The following WASL variants were observed in gnomAD, a reference collection of about 807,000 sequenced individuals.
WASL encodes the protein actin nucleation-promoting factor WASL.
In WASL, 20 loss-of-function variants were observed where a neutral mutation model predicts 55.5. That is an observed-to-expected ratio of 0.36 (90% confidence interval 0.25 to 0.52). The LOEUF is 0.52. Among genes scored for constraint, WASL ranks in the 20% least tolerant of loss-of-function variants. The pLI is 0.92. For synonymous variants in WASL, 249 were observed against 217.6 expected (o/e 1.14, Z -1.27); for missense variants, 504 against 622.5 (o/e 0.81, Z 2.03).
chr7:123,740,453 A>C (rs530142033), intron 1 of WASL, among the ~76,000 whole-genome samples: 50 of 148,418 alleles, frequency 3.4e-4, no homozygotes, highest in African/African-American at 1.0e-3. Context: ...GCAATAAATA[A>C]GATTTATTTT....
chr7:123,688,962 C>T (rs1803346391), intron 10 of WASL, 80 bp downstream of exon 10: 14 of 1,206,316 alleles, frequency 1.2e-5, no homozygotes, highest in South Asian at 1.2e-4. Context: ...AATAACAGAA[C>T]GTCAAACATT....
chr7:123,699,978 C>T (rs1207138769), intron 5 of WASL, among the ~76,000 whole-genome samples: 3 of 151,692 alleles, frequency 2.0e-5, no homozygotes, highest in Admixed American at 1.3e-4. Context: ...AGGTCGAGAC[C>T]ATCCTGGCTA....
chr7:123,681,976 CATG>C lies in WASL; in HGVS notation c.*2540_*2542del, dbSNP rs1187273969. 1 of 152,002 alleles carries C rather than the reference CATG, an allele frequency of 6.6e-6. No homozygotes were observed. The highest frequency in any genetic ancestry group is 1.5e-5 in the Non-Finnish European group (1 of 67,980). 9.4% of individuals were successfully genotyped at this position (152,002 alleles called of 1,614,324 possible). ...GGGTCAAATTAATTTTATTATGCTC[CATG>C]ATGAATTGCCACCAGTGCAACATCC... On this transcript the variant is annotated 3_prime_UTR_variant, in exon 11 of 11. Transcript: ENST00000223023.
intron 1 of WASL, among the ~76,000 whole-genome samples, chr7:123,727,352 G>GACACACACACACAC (rs1554406235): frequency 2.5e-4 from 14 of 55,482 alleles, no homozygotes; most frequent in African/African-American, 1.0e-3. Context: ...AAAAATATGT[G>GACACACACACACAC]TCACACACAC....
intron 1 of WASL, among the ~76,000 whole-genome samples, chr7:123,733,425 AT>A (rs373013598): frequency 1.1e-4 from 16 of 152,298 alleles, no homozygotes; most frequent in South Asian, 4.1e-4. Flanking sequence ...ACCAAAAAAA[AT>A]CTCTGTATAA....
chr7:123,716,288 T>C (rs185203163), intron 1 of WASL, among the ~76,000 whole-genome samples: 156 of 152,260 alleles, frequency 1.0e-3, no homozygotes, highest in African/African-American at 3.5e-3. Flanking sequence ...CGATCTTGGC[T>C]AACTGTAACC....
chr7:123,708,302 G>T (rs3779259), intron 2 of WASL, among the ~76,000 whole-genome samples: 15,317 of 152,106 alleles, frequency 0.1, 948 homozygotes, highest in Admixed American at 0.18. Context: ...TACAAATAAA[G>T]CTGAGACCAG....
At position 123,728,015 on chromosome 7, in the gene WASL, A is replaced by G. The variant is rs73224187; in HGVS notation, c.118-18792T>C. On this transcript the variant is annotated intron_variant, in intron 1 of 10. Transcript: ENST00000223023. ...TTTGAAAAGAAATGTACCTCACTTT[A>G]CAAGGGAGACAAGAAAGCTTAATTG... 9.1e-3 allele frequency among the ~76,000 whole-genome samples: 1,385 copies of G among 152,328 alleles called. 12 individuals are homozygous for G. The highest frequency in any genetic ancestry group is 0.013 in the Non-Finnish European group (904 of 68,010).
At chr7:123,687,988 G>A (rs1193097994) in intron 10 of WASL, among the ~76,000 whole-genome samples, 1 of 152,120 alleles carries the variant, frequency 6.6e-6, no homozygotes, top group Non-Finnish European at 1.5e-5. Flanking sequence ...ACATCTATAT[G>A]TTTTGTGAGT....
intron 1 of WASL, among the ~76,000 whole-genome samples, chr7:123,715,921 A>C (rs1234654139): frequency 2.6e-5 from 4 of 152,226 alleles, no homozygotes; most frequent in African/African-American, 7.2e-5. Context: ...ATACAGATAA[A>C]GGTGAGAGGA....
intron 1 of WASL, among the ~76,000 whole-genome samples, chr7:123,718,302 G>T (rs183392247): frequency 2.0e-5 from 3 of 152,256 alleles, no homozygotes; most frequent in Admixed American, 2.0e-4. Context: ...CTTGCTTGGG[G>T]TGAGAAAATG....
At chr7:123,700,929 T>C (rs181742693) in intron 5 of WASL, among the ~76,000 whole-genome samples, 2 of 152,340 alleles carry the variant, frequency 1.3e-5, no homozygotes, top group East Asian at 1.9e-4. Context: ...TGGATTTCTA[T>C]ACATTCAAGA....
chr7:123,708,337 A>G (rs1562960586), intron 2 of WASL, among the ~76,000 whole-genome samples: 1 of 152,220 alleles, frequency 6.6e-6, no homozygotes, highest in South Asian at 2.1e-4. Context: ...CTTCACTGTT[A>G]TCTATCAGGT....
At chr7:123,724,797 C>T (rs1804014437) in intron 1 of WASL, among the ~76,000 whole-genome samples, 2 of 152,092 alleles carry the variant, frequency 1.3e-5, no homozygotes, top group African/African-American at 4.8e-5. Context: ...CTTCTTGGCA[C>T]TTCATAACTA....
chr7:123,704,891 C>A (rs1209052610), intron 4 of WASL, among the ~76,000 whole-genome samples: 1 of 152,104 alleles, frequency 6.6e-6, no homozygotes, highest in East Asian at 1.9e-4. Context: ...GACTGGACTA[C>A]AGTGAGCAAA....
chr7:123,706,301 A>C lies in WASL; in HGVS notation c.412T>G (p.Leu138Val). The C allele has an allele frequency of 6.2e-7, 1 of 1,613,634 alleles. No individual in the cohort carries two copies. The highest frequency in any genetic ancestry group is 8.5e-7 in the Non-Finnish European group (1 of 1,179,776). ...CCAGATTTCCTTTGTCGACGGCCCA[A>C]AAGGTCTGTAACTGCTTTTCGAAAT... ...KKFRKAVTDL[L>V]GRRQRKSEKR... Residue 138 changes from leucine (L) to valine (V), a missense_variant, in exon 4 of 11, where the codon TTG becomes GTG. Leu to Val is a conservative substitution (Grantham distance 32, BLOSUM62 1). This residue lies in a region of WASL where 230 missense variants were observed against 271.9 expected (regional missense o/e 0.85). Coordinates refer to ENST00000223023, the MANE Select transcript of WASL (RefSeq NM_003941.4).
At chr7:123,738,903 A>G (rs1804283122) in intron 1 of WASL, among the ~76,000 whole-genome samples, 1 of 152,132 alleles carries the variant, frequency 6.6e-6, no homozygotes, top group Admixed American at 6.5e-5. Flanking sequence ...ACTGCAAAAA[A>G]AAAACCCAAA....
chr7:123,695,013 T>TA, intron 7 of WASL, 145 bp from the exon 8 acceptor site: 1 of 828,444 alleles, frequency 1.2e-6, no homozygotes, highest in Non-Finnish European at 1.8e-6. Flanking sequence ...AAATATTTTA[T>TA]TAAAAAAAAC....
Position 123,688,754 on chromosome 7 carries a change from T to C in WASL, c.1456+288A>G, listed in dbSNP as rs1446546227. Among the ~76,000 whole-genome samples, 4 of 152,182 alleles carry C rather than the reference T, an allele frequency of 2.6e-5. 1 individual carries two copies. The highest frequency in any genetic ancestry group is 2.6e-4 in the Admixed American group (4 of 15,278). The stretch of plus-strand genomic sequence containing the variant: ...TTGTTTGCTAGGAAGTCTATTAGCA[T>C]TTCCTGATATAGGAAACAAAACTGT... On this transcript the variant is annotated intron_variant, in intron 10 of 10. Coordinates refer to ENST00000223023, the MANE Select transcript of WASL (RefSeq NM_003941.4).
Sources: allele counts gnomAD v4.1 joint callset (sites outside exome capture counted in the v4.1 genomes callset), GRCh38; gene constraint gnomAD v4.1.1; regional missense constraint gnomAD v4.1.1; transcripts MANE v1.5; gene names NCBI Gene and HGNC (gene_info 2026-07-23, HGNC 2026-07-21).